ELL: variants seen among roughly 807,000 people sequenced by gnomAD.
ELL encodes RNA polymerase II elongation factor ELL.
ELL carries 18 observed loss-of-function variants against 64.0 expected under a neutral mutation model. That is an observed-to-expected ratio of 0.28 (90% confidence interval 0.19 to 0.42). The LOEUF (loss-of-function observed/expected upper bound fraction) is 0.42. ELL is among the 10% of genes least tolerant of loss of function. The probability of loss-of-function intolerance (pLI) is 1.00; values close to 1 mark genes in which losing one functional copy is unlikely to be tolerated. For synonymous variants in ELL, 399 were observed against 376.2 expected, an observed-to-expected ratio of 1.06 and a Z score of -0.70; for missense variants, 797 against 870.4, an observed-to-expected ratio of 0.92 and a Z score of 1.06.
chr19:18,520,867 CCCTCGGGA>C, intron 1 of ELL, among the ~76,000 whole-genome samples: 2 of 152,144 alleles, frequency 1.3e-5, no homozygotes, highest in Admixed American at 1.3e-4. Context: ...AAACCACTTC[CCCTCGGGA>C]CCTGACCACT....
intron 4 of ELL, among the ~76,000 whole-genome samples, chr19:18,462,334 G>GT (rs765676443): frequency 1.1e-5 from 1 of 90,516 alleles, no homozygotes; most frequent in Non-Finnish European, 2.0e-5. Context: ...ACTCTAGTGG[G>GT]CTGTGTGTGT....
chr19:18,453,792 G>C (rs1030477396), intron 6 of ELL, among the ~76,000 whole-genome samples: 1 of 152,084 alleles, frequency 6.6e-6, no homozygotes, highest in African/African-American at 2.4e-5. Context: ...CTTGAGCCCA[G>C]GCTTGGGCTC....
intron 5 of ELL, among the ~76,000 whole-genome samples, chr19:18,460,527 TGGCACCATGCCAGCCCTAG>T (rs1310093844): frequency 6.6e-6 from 1 of 152,170 alleles, no homozygotes; most frequent in African/African-American, 2.4e-5. Context: ...CAACTCCTGC[TGGCACCATGCCAGCCCTAG>T]CCTTGGGAGC....
chr19:18,465,450 C>A lies in ELL; in HGVS notation c.431G>T (p.Arg144Leu). 6.2e-7 allele frequency: 1 copy of A among 1,611,260 alleles called. No homozygotes were observed. The highest frequency in any genetic ancestry group is 8.5e-7 in the Non-Finnish European group (1 of 1,178,054). The change falls in exon 4 of 12, where the codon CGA (arginine) becomes CTA (leucine). Residue 144 changes from arginine to leucine, a missense_variant. Physicochemically the swap from Arg to Leu is moderately radical, Grantham distance 102. Transcript: ENST00000262809. The part of the protein sequence containing the change: ...MAQAEEETRS[R>L]SAIVIKAGGR... ...TCCAGCCTTGATGACAATGGCACTT[C>A]GGCTCCGCGTCTCCTCCTCCGCCTG...
Position 18,461,705 on chromosome 19 carries a change from G to A in ELL, c.617C>T (p.Pro206Leu), listed in dbSNP as rs1974818162. ...GAGGTGCAGCACTCGGTCACGGAAGGGCCTCTGGGACACCCCGCTGCCCCC... is the reference window on the plus strand; with the variant it reads ...GAGGTGCAGCACTCGGTCACGGAAGAGCCTCTGGGACACCCCGCTGCCCCC... ...VSGGSGVSQR[P>L]FRDRVLHLLA... The change falls in exon 5 of 12, where the codon CCC (proline) becomes CTC (leucine). Residue 206 changes from proline (P) to leucine (L), a missense_variant. Coordinates refer to ENST00000262809, the MANE Select transcript of ELL (RefSeq NM_006532.4). The A allele has an allele frequency of 1.2e-6, 2 of 1,613,532 alleles. No individual in the cohort carries two copies. Among genetic ancestry groups the A allele is most frequent in the Non-Finnish European group, 8.5e-7 (1 of 1,179,964 alleles).
intron 2 of ELL, among the ~76,000 whole-genome samples, chr19:18,468,212 C>T (rs1196835583): frequency 7.6e-6 from 1 of 130,994 alleles, no homozygotes; most frequent in Admixed American, 7.1e-5. Context: ...AACCCCCACA[C>T]ACACAAACAA....
chr19:18,518,364 A>G (rs1387862515), intron 1 of ELL, among the ~76,000 whole-genome samples: 1 of 151,890 alleles, frequency 6.6e-6, no homozygotes, highest in East Asian at 1.9e-4. Flanking sequence ...AGCCAGGTGC[A>G]GTGGTGCACA....
intron 1 of ELL, among the ~76,000 whole-genome samples, chr19:18,513,836 C>CAG (rs200528748): frequency 0.013 from 1,940 of 152,200 alleles, 16 homozygotes; most frequent in Non-Finnish European, 0.02. Context: ...GAGGCTGAGG[C>CAG]AGGAGAATGG....
At chr19:18,484,364 C>A (rs1975368034) in intron 1 of ELL, among the ~76,000 whole-genome samples, 1 of 152,170 alleles carries the variant, frequency 6.6e-6, no homozygotes, top group African/African-American at 2.4e-5. Context: ...ACCCGGGAGG[C>A]TGAGGCAAGA....
chr19:18,514,338 C>T (rs886498365), intron 1 of ELL, among the ~76,000 whole-genome samples: 8 of 151,724 alleles, frequency 5.3e-5, no homozygotes, highest in Middle Eastern at 3.4e-3. Context: ...ACGGTGAAAC[C>T]CCATCTCTAC....
intron 1 of ELL, among the ~76,000 whole-genome samples, chr19:18,477,541 G>A (rs1364309095): frequency 6.6e-6 from 1 of 152,190 alleles, no homozygotes; most frequent in Admixed American, 6.5e-5. Context: ...AATCAGCACA[G>A]CCACAACAGT....
At chr19:18,446,689 G>A (rs1401644999) in intron 9 of ELL, 59 bp downstream of exon 9, 4 of 1,597,528 alleles carry the variant, frequency 2.5e-6, no homozygotes, top group African/African-American at 1.3e-5. Flanking sequence ...AGTGCTGGGG[G>A]AGGGGGTCTG....
In ELL at chr19:18,521,853, G is replaced by A. The variant is rs945465682; in HGVS notation, c.135+68C>T. 1.9e-5 allele frequency: 29 copies of A among 1,514,670 alleles called. No individual in the cohort carries two copies. The African/African-American group carries it at 4.0e-4, about 21-fold the overall frequency. The allele number at this position is 1,514,670 out of a possible 1,614,324, so 93.8% of individuals were successfully genotyped here. On this transcript the variant is annotated intron_variant, in intron 1 of 11. Transcript: ENST00000262809. ...CGTCTCCGAGCCCGGACGCCTCAGT[G>A]AGGGGAGCGCGAGGCCGGCCCGCGT...
At chr19:18,503,031 G>A in intron 1 of ELL, among the ~76,000 whole-genome samples, 1 of 152,236 alleles carries the variant, frequency 6.6e-6, no homozygotes, top group Non-Finnish European at 1.5e-5. Flanking sequence ...CCTGGGCCCT[G>A]CCAGAGTGGC....
At chr19:18,509,089 G>A (rs1001553162) in intron 1 of ELL, among the ~76,000 whole-genome samples, 1 of 152,076 alleles carries the variant, frequency 6.6e-6, no homozygotes, top group African/African-American at 2.4e-5. Context: ...TGAGGTGGAC[G>A]CAGCCCAGGT....
intron 1 of ELL, among the ~76,000 whole-genome samples, chr19:18,473,543 C>A (rs1329946129): frequency 6.6e-6 from 1 of 152,214 alleles, no homozygotes; most frequent in African/African-American, 2.4e-5. Context: ...GGCTTCTGGA[C>A]AGCTGGTCAC....
chr19:18,461,900 T>A (rs1195577209), intron 4 of ELL, 48 bp from the exon 5 acceptor site: 2 of 1,574,498 alleles, frequency 1.3e-6, no homozygotes, highest in African/African-American at 1.3e-5. Context: ...CGCTGCCGTG[T>A]CCTAAGCCAG....
rs541952312 is a variant in ELL at position 18,449,583 on chromosome 19, C to A, written c.1465+894G>T. Among the ~76,000 whole-genome samples, 1 of 152,180 alleles carries A rather than the reference C, an allele frequency of 6.6e-6. No homozygotes were observed. On this transcript the variant is annotated intron_variant, in intron 8 of 11. Coordinates refer to ENST00000262809, the MANE Select transcript of ELL (RefSeq NM_006532.4). The surrounding 1 kb of genome is among the most constrained non-coding windows in gnomAD (Gnocchi z 4.4). ...ACGCAAAGCTATAATGAAAGAAGGG[C>A]TCCCACCCTCATCCCAGGAATCCCC...
At position 18,450,835 on chromosome 19, in the gene ELL, CG is replaced by C; in HGVS notation, c.1106del (p.Pro369ArgfsTer62). 1 of 1,589,596 alleles carries C rather than the reference CG, an allele frequency of 6.3e-7. No individual in the cohort carries two copies. The highest frequency in any genetic ancestry group is 8.6e-7 in the Non-Finnish European group (1 of 1,166,854). On this transcript the variant is annotated frameshift_variant, in exon 8 of 12. Transcript: ENST00000262809. LOFTEE classifies it high-confidence loss of function. The part of the protein sequence containing the change: ...PNGREALLPT[P>X]GPPASTDTLS... Reference sequence around the variant, plus strand: ...GGGTGTCCGTGCTGGCTGGTGGGCCCGGGGTGGGCAGCAAGGCCTCACGGCC... The same window carrying C: ...GGGTGTCCGTGCTGGCTGGTGGGCCCGGGTGGGCAGCAAGGCCTCACGGCC...
Sources: allele counts gnomAD v4.1 joint callset (sites outside exome capture counted in the v4.1 genomes callset), GRCh38; gene constraint gnomAD v4.1.1; non-coding constraint Gnocchi (gnomAD v3.1); transcripts MANE v1.5; gene names NCBI Gene and HGNC (gene_info 2026-07-23, HGNC 2026-07-21).